Variants in KIAA1328 observed in about 807,000 individuals in gnomAD.
KIAA1328 encodes protein hinderin.
Under a neutral mutation model 68.1 loss-of-function variants are expected in KIAA1328, and 52 were observed. That is an observed-to-expected ratio of 0.76 (90% CI 0.61 to 0.96). KIAA1328 has a LOEUF of 0.96. Among genes scored for constraint, KIAA1328 ranks in the 40% least tolerant of loss-of-function variants. The probability of loss-of-function intolerance (pLI) is 0.00; values close to 1 mark genes in which losing one functional copy is unlikely to be tolerated. For synonymous variants in KIAA1328, 232 were observed against 239.4 expected (o/e 0.97, Z 0.28); for missense variants, 641 against 677.6 (o/e 0.95, Z 0.60).
intron 5 of KIAA1328, among the ~76,000 whole-genome samples, chr18:36,934,776 A>G (rs1421746683): frequency 2.6e-5 from 4 of 152,234 alleles, no homozygotes; most frequent in Non-Finnish European, 5.9e-5. Context: ...TTCTTAATTT[A>G]ATAAATGTAA....
chr18:36,829,304 CG>C (rs2046369394), intron 1 of KIAA1328, 108 bp downstream of exon 1: 6 of 1,414,934 alleles, frequency 4.2e-6, no homozygotes, highest in Middle Eastern at 2.1e-4. Flanking sequence ...GAACTAACCC[CG>C]GGGATGGGGA....
intron 5 of KIAA1328, among the ~76,000 whole-genome samples, chr18:36,948,265 T>TG: frequency 7.0e-6 from 1 of 143,722 alleles, no homozygotes. Context: ...TCTTTTGTTT[T>TG]TTTTTTTTTT....
intron 6 of KIAA1328, among the ~76,000 whole-genome samples, chr18:36,974,649 T>C (rs2052388154): frequency 6.6e-6 from 1 of 152,216 alleles, no homozygotes; most frequent in Admixed American, 6.5e-5. Flanking sequence ...TCTTTTCCTT[T>C]GGGTAGATAC....
At chr18:36,932,916 C>T (rs1033710039) in intron 5 of KIAA1328, among the ~76,000 whole-genome samples, 1 of 152,148 alleles carries the variant, frequency 6.6e-6, no homozygotes, top group Non-Finnish European at 1.5e-5. Context: ...ACACAGATTT[C>T]AGGAAAGTTT....
At position 37,224,061 on chromosome 18, in the gene KIAA1328, G is replaced by A. The variant is rs1024663804; in HGVS notation, c.*1834G>A. 3 of 985,184 alleles carry A rather than the reference G, an allele frequency of 3.0e-6. No individual in the cohort carries two copies. Among genetic ancestry groups the A allele is most frequent in the Admixed American group, 1.2e-4 (2 of 16,254 alleles). The allele number at this position is 985,184 out of a possible 1,614,324, so 61.0% of individuals were successfully genotyped here. Reference sequence around the variant, plus strand: ...TTTCTGTGGTATGGCAGAAATGGGTGGATGGCAAACTAAGAGCCCTCAGCC... The same window carrying A: ...TTTCTGTGGTATGGCAGAAATGGGTAGATGGCAAACTAAGAGCCCTCAGCC... On this transcript the variant is annotated 3_prime_UTR_variant, in exon 10 of 10. Transcript: ENST00000280020.
intron 5 of KIAA1328, among the ~76,000 whole-genome samples, chr18:36,938,998 G>A (rs2050607881): frequency 6.6e-6 from 1 of 152,056 alleles, no homozygotes; most frequent in Non-Finnish European, 1.5e-5. Flanking sequence ...CTCTTGCTTT[G>A]TAATAGATTC....
At chr18:37,084,467 TTG>T (rs1339576719) in intron 7 of KIAA1328, 3 of 279,460 alleles carry the variant, frequency 1.1e-5, no homozygotes, top group Non-Finnish European at 1.9e-5. Flanking sequence ...TATTTCTTTT[TTG>T]TTTTTTGTTT....
At chr18:36,987,890 C>T (rs1335308088) in intron 6 of KIAA1328, among the ~76,000 whole-genome samples, 1 of 151,840 alleles carries the variant, frequency 6.6e-6, no homozygotes, top group Non-Finnish European at 1.5e-5. Context: ...GTTCTAGCTG[C>T]CTGGCCTTAT....
intron 9 of KIAA1328, among the ~76,000 whole-genome samples, chr18:37,173,489 C>T (rs1326298036): frequency 1.3e-5 from 2 of 152,296 alleles, no homozygotes; most frequent in East Asian, 3.9e-4. Context: ...AGACCAGACA[C>T]ATTTGAAGGG....
chr18:36,937,498 TAAAC>T (rs1313819738), intron 5 of KIAA1328, among the ~76,000 whole-genome samples: 1 of 151,986 alleles, frequency 6.6e-6, no homozygotes, highest in Admixed American at 6.6e-5. Flanking sequence ...ACAAGGAACT[TAAAC>T]AAATTTACAA....
At position 37,068,578 on chromosome 18, in the gene KIAA1328, T is replaced by A. The variant is rs536291705; in HGVS notation, c.1232+1033T>A. 5.4e-4 allele frequency among the ~76,000 whole-genome samples: 83 copies of A among 152,362 alleles called. 1 individual carries two copies. The highest frequency in any genetic ancestry group is 8.3e-4 in the South Asian group (4 of 4,830). On this transcript the variant is annotated intron_variant, in intron 7 of 9. Transcript: ENST00000280020. ...TTTGCATTTCACTAATGGCTAGTAA[T>A]GTTGAACATCTTTTTGTGTGTGTGC...
chr18:36,859,848 T>A (rs966988814), intron 4 of KIAA1328, among the ~76,000 whole-genome samples: 2 of 151,892 alleles, frequency 1.3e-5, no homozygotes, highest in African/African-American at 4.8e-5. Context: ...GTCCATTTTT[T>A]TTTTTACAGG....
intron 2 of KIAA1328, 29 bp downstream of exon 2, chr18:36,834,384 A>G: frequency 6.4e-7 from 1 of 1,564,686 alleles, no homozygotes; most frequent in South Asian, 1.3e-5. Flanking sequence ...AAATTTGGGA[A>G]GCTTACTTTG....
At position 37,026,825 on chromosome 18, in the gene KIAA1328, G is replaced by A. The variant is rs553640893; in HGVS notation, c.577-40065G>A. Among the ~76,000 whole-genome samples the A allele has an allele frequency of 3.3e-5, 5 of 152,288 alleles. No homozygotes were observed. The East Asian group carries it at 7.7e-4, about 24-fold the overall frequency. ...TTGAAAACTGGCACAAGACAGGGAT[G>A]CCCTCTCTCACCACTCCTATTCAAC... On this transcript the variant is annotated intron_variant, in intron 6 of 9. Transcript: ENST00000280020.
chr18:36,947,656 GT>G (rs1464843824), intron 5 of KIAA1328, among the ~76,000 whole-genome samples: 1 of 152,158 alleles, frequency 6.6e-6, no homozygotes, highest in Non-Finnish European at 1.5e-5. Context: ...GATGGCAAGT[GT>G]TTTCTGTTCA....
intron 7 of KIAA1328, among the ~76,000 whole-genome samples, chr18:37,116,987 T>G (rs935153558): frequency 6.6e-6 from 1 of 152,064 alleles, no homozygotes; most frequent in African/African-American, 2.4e-5. Flanking sequence ...GTTAGAATGG[T>G]GATCATTAAA....
chr18:36,948,931 G>A (rs2051026288), intron 5 of KIAA1328, among the ~76,000 whole-genome samples: 1 of 152,216 alleles, frequency 6.6e-6, no homozygotes, highest in Non-Finnish European at 1.5e-5. Flanking sequence ...GCTTCACAAA[G>A]CATTATTCAC....
chr18:37,096,290 AT>A (rs1235886775), intron 7 of KIAA1328, among the ~76,000 whole-genome samples: 9 of 151,872 alleles, frequency 5.9e-5, no homozygotes, highest in Non-Finnish European at 1.3e-4. Flanking sequence ...ATGTGTTCTC[AT>A]TGTTCAATTC....
chr18:37,073,678 C>T (rs1248498255), intron 7 of KIAA1328, among the ~76,000 whole-genome samples: 3 of 152,108 alleles, frequency 2.0e-5, no homozygotes, highest in Non-Finnish European at 4.4e-5. Flanking sequence ...TTGTCTTTTT[C>T]AGTTGTCTTA....
Sources: allele counts gnomAD v4.1 joint callset (sites outside exome capture counted in the v4.1 genomes callset), GRCh38; gene constraint gnomAD v4.1.1; transcripts MANE v1.5; gene names NCBI Gene and HGNC (gene_info 2026-07-23, HGNC 2026-07-21).